Variants in TMEM114 observed in about 807,000 individuals in gnomAD.
TMEM114 encodes claudin-26.
TMEM114 carries 6 observed loss-of-function variants against 6.2 expected under a neutral mutation model. That is an observed-to-expected ratio of 0.97 (90% CI 0.53 to 1.91). TMEM114 has a LOEUF of 1.91. Ranked by LOEUF, TMEM114 falls within the 40% of genes most tolerant of loss-of-function variation. The pLI is 0.01. For missense variants in TMEM114, 218 were observed against 158.3 expected (o/e 1.38, Z -2.02); for synonymous variants, 104 against 73.0 (o/e 1.42, Z -2.16).
At chr16:8,559,421 A>G (rs1170706754) in intron 2 of TMEM114, among the ~76,000 whole-genome samples, 1 of 152,096 alleles carries the variant, frequency 6.6e-6, no homozygotes, top group Non-Finnish European at 1.5e-5. Context: ...AGAAAAAAAC[A>G]ATGGCTGCTT....
intron 2 of TMEM114, among the ~76,000 whole-genome samples, chr16:8,556,955 G>C (rs1213500647): frequency 6.6e-6 from 1 of 152,150 alleles, no homozygotes; most frequent in Non-Finnish European, 1.5e-5. Flanking sequence ...TTCTTGCTAA[G>C]GATGCAAATA....
chr16:8,560,373 G>T (rs545539353), intron 2 of TMEM114, among the ~76,000 whole-genome samples: 1 of 152,134 alleles, frequency 6.6e-6, no homozygotes, highest in South Asian at 2.1e-4. Context: ...GCGAGGGTGG[G>T]CATCCTCTCC....
intron 2 of TMEM114, among the ~76,000 whole-genome samples, chr16:8,578,101 T>G (rs1383456110): frequency 6.6e-6 from 1 of 151,712 alleles, no homozygotes; most frequent in Non-Finnish European, 1.5e-5. Context: ...ACAGAGGAAA[T>G]AAGTGTGAGG....
intron 2 of TMEM114, among the ~76,000 whole-genome samples, chr16:8,542,314 T>A (rs1311967125): frequency 1.3e-5 from 2 of 152,236 alleles, no homozygotes; most frequent in African/African-American, 2.4e-5. Flanking sequence ...TTACAAGAGA[T>A]GTTTTATCCT....
intron 2 of TMEM114, among the ~76,000 whole-genome samples, chr16:8,561,499 G>C (rs1901198877): frequency 6.6e-6 from 1 of 152,198 alleles, no homozygotes; most frequent in South Asian, 2.1e-4. Context: ...TCAAAAGGCA[G>C]GTTTTGAGTC....
intron 2 of TMEM114, among the ~76,000 whole-genome samples, chr16:8,551,578 A>G (rs1900845343): frequency 6.6e-6 from 1 of 152,254 alleles, no homozygotes; most frequent in African/African-American, 2.4e-5. Context: ...ATCAGTGACA[A>G]CATTCCCAGT....
chr16:8,588,381 C>T (rs1339501151), intron 2 of TMEM114, among the ~76,000 whole-genome samples: 2 of 152,232 alleles, frequency 1.3e-5, no homozygotes, highest in South Asian at 2.1e-4. Context: ...CTCTGGGCCT[C>T]CTCATTGGAA....
At chr16:8,528,720 T>C in the TMEM114 span, among the ~76,000 whole-genome samples, 825 of 152,362 alleles carry the variant, frequency 5.4e-3, 6 homozygotes, top group African/African-American at 0.019. Context: ...TGAACTTTCT[T>C]CTTTATAAAG....
chr16:8,569,726 C>A lies in TMEM114; in HGVS notation c.*47G>T, dbSNP rs537418033. ...AGCCGATGGAGATCGGTCGGTGAAG[C>A]TCCGGGGCCAAGCCCCTCCCTCCCC... On this transcript the variant is annotated 3_prime_UTR_variant, in exon 4 of 4. Transcript: ENST00000620492. 6 of 1,511,204 alleles carry A rather than the reference C, an allele frequency of 4.0e-6. No individual in the cohort carries two copies. Among genetic ancestry groups the A allele is most frequent in the Non-Finnish European group, 5.3e-6 (6 of 1,124,354 alleles). 93.6% of individuals were successfully genotyped at this position (1,511,204 alleles called of 1,614,324 possible). A position where few individuals can be genotyped will look rare whatever the true frequency, so the allele number is the denominator to read the frequency against.
chr16:8,559,085 C>T (rs1901114121), intron 2 of TMEM114, among the ~76,000 whole-genome samples: 1 of 151,864 alleles, frequency 6.6e-6, no homozygotes, highest in Non-Finnish European at 1.5e-5. Context: ...CTGTGTCACC[C>T]AGGCTGGAGT....
chr16:8,561,830 G>T (rs974389231), intron 2 of TMEM114, among the ~76,000 whole-genome samples: 1 of 125,772 alleles, frequency 8.0e-6, no homozygotes, highest in Non-Finnish European at 1.9e-5. Flanking sequence ...GTGAATGAGT[G>T]AGTGAATGAG....
At chr16:8,563,016 G>C (rs942782245) in intron 2 of TMEM114, among the ~76,000 whole-genome samples, 1 of 113,780 alleles carries the variant, frequency 8.8e-6, no homozygotes, top group African/African-American at 3.2e-5. Flanking sequence ...GAATGAATGA[G>C]TGAGTGAGGG....
chr16:8,578,032 C>A lies in TMEM114; in HGVS notation c.302-5808G>T, dbSNP rs549523294. On this transcript the variant is annotated intron_variant, in intron 2 of 3. Coordinates refer to ENST00000620492, the MANE Select transcript of TMEM114 (RefSeq NM_001146336.2). ...CCCTCATGGAGTTCACAGATGGGCA[C>A]AGGAGACAGAGTAGACAGGAAGCAA... Among the ~76,000 whole-genome samples, 11 of 152,246 alleles carry A rather than the reference C, an allele frequency of 7.2e-5. No homozygotes were observed. In the East Asian group the frequency reaches 1.4e-3, roughly 19 times the overall value.
chr16:8,569,496 T>C, downstream of TMEM114: 5 of 1,354,372 alleles, frequency 3.7e-6, no homozygotes, highest in African/African-American at 1.5e-5. Context: ...TGTAAAGCTC[T>C]GTGTGTGATT....
At chr16:8,530,692 G>C in the TMEM114 span, among the ~76,000 whole-genome samples, 1 of 152,062 alleles carries the variant, frequency 6.6e-6, no homozygotes, top group East Asian at 1.9e-4. Flanking sequence ...AGGAGGATGG[G>C]AGGGAGAGAG....
downstream of TMEM114, among the ~76,000 whole-genome samples, chr16:8,565,828 G>A (rs1206099000): frequency 6.6e-6 from 1 of 152,160 alleles, no homozygotes; most frequent in Non-Finnish European, 1.5e-5. Flanking sequence ...ATTGCATTTG[G>A]CTCCATTGGG....
At chr16:8,567,289 A>T (rs769141217), downstream of TMEM114, among the ~76,000 whole-genome samples, 3 of 152,052 alleles carry the variant, frequency 2.0e-5, no homozygotes, top group Non-Finnish European at 4.4e-5. Context: ...TGGGTTTATC[A>T]TCTGTTCCCA....
chr16:8,561,424 A>G (rs1267848556), intron 2 of TMEM114, among the ~76,000 whole-genome samples: 1 of 152,190 alleles, frequency 6.6e-6, no homozygotes, highest in African/African-American at 2.4e-5. Context: ...TCCACCAGCC[A>G]TGTTTACTGT....
chr16:8,534,241 T>C (rs753425454), downstream of TMEM114, among the ~76,000 whole-genome samples: 7 of 152,094 alleles, frequency 4.6e-5, no homozygotes, highest in Admixed American at 3.3e-4. Context: ...CTGCAGACAA[T>C]TAATCTGTGC....
Sources: gnomAD v4.1 joint callset for allele counts (sites outside exome capture counted in the v4.1 genomes callset) on GRCh38, gnomAD v4.1.1 for gene constraint, MANE v1.5 for transcripts, NCBI Gene and HGNC (gene_info 2026-07-23, HGNC 2026-07-21) for gene names.